PLEKHS1: variants seen among roughly 807,000 people sequenced by gnomAD.
PLEKHS1 encodes pleckstrin homology domain-containing family S member 1.
In PLEKHS1, 55 loss-of-function variants were observed where a neutral mutation model predicts 51.0. The observed-to-expected ratio is 1.08, with a 90% CI of 0.87 to 1.35. The LOEUF (loss-of-function observed/expected upper bound fraction) is 1.35. PLEKHS1 is among the 40% of genes most tolerant of loss of function. The probability of loss-of-function intolerance (pLI) is 0.00; values close to 1 mark genes in which losing one functional copy is unlikely to be tolerated. For missense variants in PLEKHS1, 398 were observed against 423.0 expected (o/e 0.94, Z 0.52); for synonymous variants, 153 against 144.8 (o/e 1.06, Z -0.41).
chr10:113,780,611 C>T (rs1844833656), exon 12 of PLEKHS1: 1 of 1,613,102 alleles, frequency 6.2e-7, no homozygotes, highest in South Asian at 1.1e-5. Context: ...GAAATTAAAG[C>T]TTACCATCGG....
At chr10:113,773,832 T>C (rs949393786) in intron 8 of PLEKHS1, among the ~76,000 whole-genome samples, 1 of 152,180 alleles carries the variant, frequency 6.6e-6, no homozygotes. Flanking sequence ...CCTGTGAGCA[T>C]AGTAACCTGA....
At chr10:113,757,612 G>A (rs762528354) in intron 2 of PLEKHS1, among the ~76,000 whole-genome samples, 3 of 152,204 alleles carry the variant, frequency 2.0e-5, no homozygotes, top group Non-Finnish European at 4.4e-5. Context: ...GAGTAATCAG[G>A]CAGGTTGTTG....
At chr10:113,775,933 T>C in intron 11 of PLEKHS1, 67 bp downstream of exon 11, 1 of 1,217,626 alleles carries the variant, frequency 8.2e-7, no homozygotes, top group East Asian at 2.5e-5. Flanking sequence ...AACAATTACA[T>C]CTTGAAACAG....
At chr10:113,777,422 A>G in intron 11 of PLEKHS1, 163 bp downstream of exon 12, 1 of 1,608,934 alleles carries the variant, frequency 6.2e-7, no homozygotes, top group Non-Finnish European at 8.5e-7. Context: ...CTCTTTCAGG[A>G]TTCTTTCATA....
In PLEKHS1 at chr10:113,769,807, A is replaced by T; in HGVS notation, c.459A>T (p.Lys153Asn). The change falls in exon 7 of 12, where the codon AAA becomes AAT. Residue 153 changes from lysine (K) to asparagine (N), a missense_variant. By Grantham distance (94) the Lys-to-Asn change is moderately conservative (BLOSUM62 0). Coordinates refer to ENST00000361048, the Ensembl canonical transcript of PLEKHS1. ...AGGAGGAACTCTCATTGGGTAATAAAAGAACCCTCTTCTACTCCAGCCCTC... is the reference window on the plus strand; with the variant it reads ...AGGAGGAACTCTCATTGGGTAATAATAGAACCCTCTTCTACTCCAGCCCTC... The T allele has an allele frequency of 6.2e-7, 1 of 1,613,732 alleles. No homozygotes were observed. The highest frequency in any genetic ancestry group is 2.2e-5 in the East Asian group (1 of 44,872).
At chr10:113,753,674 T>A (rs1375181308) in intron 1 of PLEKHS1, among the ~76,000 whole-genome samples, 1 of 152,164 alleles carries the variant, frequency 6.6e-6, no homozygotes, top group Non-Finnish European at 1.5e-5. Context: ...TAGGTATGAT[T>A]CCAGGGTCCA....
At chr10:113,769,431 T>C (rs1018102334) in intron 6 of PLEKHS1, among the ~76,000 whole-genome samples, 1 of 152,214 alleles carries the variant, frequency 6.6e-6, no homozygotes, top group African/African-American at 2.4e-5. Flanking sequence ...TGTTCCATGC[T>C]TACAGCAAAA....
chr10:113,782,598 C>G (rs1297828050), downstream of PLEKHS1: 1 of 152,120 alleles, frequency 6.6e-6, no homozygotes, highest in East Asian at 1.9e-4. Flanking sequence ...ATAGTAAGTT[C>G]TCGTGAGATC....
intron 11 of PLEKHS1, chr10:113,777,849 G>A (rs973731532): frequency 1.6e-6 from 2 of 1,267,954 alleles, no homozygotes; most frequent in East Asian, 2.9e-5. Flanking sequence ...GTGGTGCTGG[G>A]CACGGTGGCT....
chr10:113,778,178 C>G (rs1412507861), intron 11 of PLEKHS1: 1 of 158,344 alleles, frequency 6.3e-6, no homozygotes, highest in Non-Finnish European at 1.4e-5. Context: ...TGGGCTTCAG[C>G]TTATTCTCAC....
chr10:113,777,377 C>T, intron 11 of PLEKHS1, 118 bp downstream of exon 12: 2 of 1,609,490 alleles, frequency 1.2e-6, no homozygotes, highest in Non-Finnish European at 8.5e-7. Context: ...CATTCTTCCA[C>T]CATCAAGTGC....
rs933732667 is a variant in PLEKHS1 at position 113,755,410 on chromosome 10, GTTGTT to G, written c.28+122_28+126del. The G allele has an allele frequency of 3.8e-5, 56 of 1,489,092 alleles. 1 individual carries two copies. Among genetic ancestry groups the G allele is most frequent in the South Asian group, 3.6e-4 (26 of 72,650 alleles). 92.2% of individuals were successfully genotyped at this position (1,489,092 alleles called of 1,614,324 possible). On this transcript the variant is annotated intron_variant, in intron 2 of 11. Transcript: ENST00000361048. ...ACAGAACTTGGTGGTTTTTGTGTAT[GTTGTT>G]TTGTTTTGTTTTGTTTGAGACAGTC...
In PLEKHS1 at chr10:113,764,091, A is replaced by G. The variant is rs561144112; in HGVS notation, c.29-2320A>G. ...AGAGTATTTTTTCAGTACTTTAAATATAGTTTGCTTGTTTGTTTGTTTGTT... is the reference window on the plus strand; with the variant it reads ...AGAGTATTTTTTCAGTACTTTAAATGTAGTTTGCTTGTTTGTTTGTTTGTT... On this transcript the variant is annotated intron_variant, in intron 2 of 11. Coordinates refer to ENST00000361048, the Ensembl canonical transcript of PLEKHS1. Among the ~76,000 whole-genome samples the G allele has an allele frequency of 1.4e-3, 220 of 152,222 alleles. 1 individual carries two copies. The highest frequency in any genetic ancestry group is 5.1e-3 in the African/African-American group (213 of 41,558).
In PLEKHS1 at chr10:113,766,401, C is replaced by T. The variant is rs764284515; in HGVS notation, c.29-10C>T. On this transcript the variant is annotated splice_polypyrimidine_tract_variant and intron_variant, in intron 2 of 11. Transcript: ENST00000361048. ...TGAGGAACAAACTGAGTTCTGTTCA[C>T]TTTTATTAGGCAAACAATTTACATT... 3 of 1,520,902 alleles carry T rather than the reference C, an allele frequency of 2.0e-6. No individual in the cohort carries two copies. Among genetic ancestry groups the T allele is most frequent in the Non-Finnish European group, 1.8e-6 (2 of 1,106,552 alleles). 94.2% of individuals were successfully genotyped at this position (1,520,902 alleles called of 1,614,324 possible).
intron 1 of PLEKHS1, 64 bp from the exon 2 acceptor site, chr10:113,755,195 T>G: frequency 6.6e-7 from 1 of 1,509,538 alleles, no homozygotes; most frequent in South Asian, 1.3e-5. Flanking sequence ...TGACCAGCGG[T>G]GGCTGGTCAA....
chr10:113,772,172 A>G, intron 8 of PLEKHS1, 83 bp downstream of exon 8: 1 of 1,471,932 alleles, frequency 6.8e-7, no homozygotes, highest in Non-Finnish European at 9.4e-7. Context: ...GTGCAATATT[A>G]GGCTATGGTC....
exon 5 of PLEKHS1, chr10:113,767,378 G>C (rs748695759): frequency 6.2e-7 from 1 of 1,610,148 alleles, no homozygotes; most frequent in South Asian, 1.1e-5. Flanking sequence ...TAAGTAGCCA[G>C]GAAAAGATGC....
chr10:113,764,562 C>A (rs190960709), intron 2 of PLEKHS1, among the ~76,000 whole-genome samples: 12 of 152,220 alleles, frequency 7.9e-5, no homozygotes, highest in Non-Finnish European at 1.5e-5. Context: ...TGAGTTATGA[C>A]ATGCCTTGGT....
chr10:113,776,146 G>A (rs905935857), intron 11 of PLEKHS1, among the ~76,000 whole-genome samples: 10 of 152,162 alleles, frequency 6.6e-5, no homozygotes, highest in Non-Finnish European at 1.3e-4. Context: ...AAGGGGCTGG[G>A]ATACAGGTGG....
Sources: gnomAD v4.1 joint callset for allele counts (sites outside exome capture counted in the v4.1 genomes callset) on GRCh38, gnomAD v4.1.1 for gene constraint, MANE v1.5 for transcripts, NCBI Gene and HGNC (gene_info 2026-07-23, HGNC 2026-07-21) for gene names.